Variants in STEEP1 observed in about 807,000 individuals in gnomAD.
STEEP1 encodes STING1 ER exit protein 1, also known as STING ER exit protein.
A neutral mutation model predicts 19.2 loss-of-function variants in STEEP1; 3 were observed. The ratio of observed to expected loss-of-function variants is 0.16; its 90% CI spans 0.07 to 0.40. STEEP1 has a LOEUF of 0.40. STEEP1 is among the 10% of genes least tolerant of loss of function. The pLI, the probability that STEEP1 is intolerant of heterozygous loss-of-function variation, is 0.99. For missense variants in STEEP1, 54 were observed against 177.1 expected, an observed-to-expected ratio of 0.30 and a Z score of 3.94; for synonymous variants, 46 against 63.7, an observed-to-expected ratio of 0.72 and a Z score of 1.32.
At chrX:119,563,335 G>A (rs2053333824) in intron 1 of STEEP1, among the ~76,000 whole-genome samples, 1 of 110,105 alleles carries the variant, frequency 9.1e-6, no homozygotes, top group Non-Finnish European at 1.9e-5. Flanking sequence ...GATCACTTGA[G>A]GTCAGGAGTT....
At chrX:119,561,393 G>GGT (rs1272149937) in intron 1 of STEEP1, among the ~76,000 whole-genome samples, 4 of 111,353 alleles carry the variant, frequency 3.6e-5, no homozygotes, top group African/African-American at 1.3e-4. Flanking sequence ...GGCCAGGTGC[G>GGT]GTGGCTCACG....
chrX:119,541,439 AT>A lies in STEEP1; in HGVS notation c.514-20del. 1 of 981,595 alleles carries A rather than the reference AT, an allele frequency of 1.0e-6. No homozygotes were observed. The highest frequency in any genetic ancestry group is 1.5e-6 in the Non-Finnish European group (1 of 686,175). 80.9% of individuals were successfully genotyped at this position (981,595 alleles called of 1,213,427 possible). A position where few individuals can be genotyped will look rare whatever the true frequency, so the allele number is the denominator to read the frequency against. On this transcript the variant is annotated intron_variant, in intron 5 of 6. Transcript: ENST00000644802. ...CTTCCCTCTGAAGGAAAAAAGGAGCATCCTTAAACCGGAAGTCTCACCAAGG... is the reference window on the plus strand; with the variant it reads ...CTTCCCTCTGAAGGAAAAAAGGAGCACCTTAAACCGGAAGTCTCACCAAGG...
intron 2 of STEEP1, among the ~76,000 whole-genome samples, chrX:119,557,216 GT>G (rs1288702116): frequency 9.4e-6 from 1 of 105,994 alleles, no homozygotes; most frequent in African/African-American, 3.4e-5. Flanking sequence ...TCAGCCTATA[GT>G]TTTTTTCTGG....
Position 119,544,360 on chromosome X carries a change from G to A in STEEP1, c.416C>T (p.Pro139Leu). The A allele has an allele frequency of 8.3e-7, 1 of 1,205,673 alleles. No individual in the cohort carries two copies. Among genetic ancestry groups the A allele is most frequent in the Non-Finnish European group, 1.1e-6 (1 of 890,783 alleles). Residue 139 changes from proline (P) to leucine (L), a missense_variant, in exon 4 of 7, where the codon CCT (proline) becomes CTT (leucine). Around this residue, in one of 2 missense-constraint regions of STEEP1, gnomAD observed 47 missense variants for 118.5 expected, o/e 0.40. Coordinates refer to ENST00000644802, the MANE Select transcript of STEEP1 (RefSeq NM_022101.4). ...TCCTTCAATGGTAATTACCTTCTTA[G>A]GAGGCTCTTGTTTCTGAGTATATAT... ...TNIYTQKQEPPKKVMMTKRTK... is the reference protein window; with the variant it reads ...TNIYTQKQEPLKKVMMTKRTK...
intron 2 of STEEP1, among the ~76,000 whole-genome samples, chrX:119,559,691 C>T (rs770461111): frequency 7.2e-5 from 8 of 111,653 alleles, no homozygotes; most frequent in Non-Finnish European, 9.4e-5. Flanking sequence ...GTATGCTCCA[C>T]AAGATTACAG....
At position 119,539,649 on chromosome X, in the gene STEEP1, C is replaced by T. The variant is rs2053149876; in HGVS notation, c.*78G>A. On this transcript the variant is annotated 3_prime_UTR_variant, in exon 7 of 7. Coordinates refer to ENST00000644802, the MANE Select transcript of STEEP1 (RefSeq NM_022101.4). Reference sequence around the variant, plus strand: ...TTCTGCTAGGGCATAAATAGGAATCCGTCTATGTAATCAAGAAATTACTTT... The same window carrying T: ...TTCTGCTAGGGCATAAATAGGAATCTGTCTATGTAATCAAGAAATTACTTT... 2.6e-6 allele frequency: 2 copies of T among 771,392 alleles called. No individual in the cohort carries two copies. The highest frequency in any genetic ancestry group is 2.3e-5 in the South Asian group (1 of 42,969). 63.6% of individuals were successfully genotyped at this position (771,392 alleles called of 1,213,427 possible). A position where few individuals can be genotyped will look rare whatever the true frequency, so the allele number is the denominator to read the frequency against.
chrX:119,540,451 A>G (rs758310347), intron 6 of STEEP1, among the ~76,000 whole-genome samples: 3 of 111,651 alleles, frequency 2.7e-5, no homozygotes, highest in South Asian at 7.4e-4. Context: ...CCAAAAACTC[A>G]CTACAGACAC....
At chrX:119,563,099 G>T (rs1042147673) in intron 1 of STEEP1, among the ~76,000 whole-genome samples, 1 of 112,237 alleles carries the variant, frequency 8.9e-6, no homozygotes, top group African/African-American at 3.2e-5. Context: ...GTCTTGGTAT[G>T]GATGGACTTT....
Position 119,541,318 on chromosome X carries a change from T to C in STEEP1, c.606+10A>G. On this transcript the variant is annotated intron_variant, in intron 6 of 6. Coordinates refer to ENST00000644802, the MANE Select transcript of STEEP1 (RefSeq NM_022101.4). ...AGGGCCCCAGCACCTTGCTACCCCTTGCTACTCACCAGCTCTTGCAGTCGC... is the reference window on the plus strand; with the variant it reads ...AGGGCCCCAGCACCTTGCTACCCCTCGCTACTCACCAGCTCTTGCAGTCGC... 1 of 1,101,058 alleles carries C rather than the reference T, an allele frequency of 9.1e-7. No homozygotes were observed. Among genetic ancestry groups the C allele is most frequent in the Non-Finnish European group, 1.3e-6 (1 of 795,775 alleles). The allele number at this position is 1,101,058 out of a possible 1,213,427, so 90.7% of individuals were successfully genotyped here. A position where few individuals can be genotyped will look rare whatever the true frequency, so the allele number is the denominator to read the frequency against.
intron 2 of STEEP1, among the ~76,000 whole-genome samples, chrX:119,555,413 G>A (rs1471782515): frequency 9.0e-6 from 1 of 110,620 alleles, no homozygotes; most frequent in Non-Finnish European, 1.9e-5. Flanking sequence ...GTCCTTAATG[G>A]ATTGGGCTAG....
chrX:119,550,850 A>G (rs939523718), intron 2 of STEEP1, among the ~76,000 whole-genome samples: 1 of 110,713 alleles, frequency 9.0e-6, no homozygotes, highest in Non-Finnish European at 1.9e-5. Context: ...TTTAGTAGAC[A>G]TGGGGTTTCG....
At position 119,539,556 on chromosome X, in the gene STEEP1, C is replaced by T. The variant is rs757235656; in HGVS notation, c.*171G>A. On this transcript the variant is annotated 3_prime_UTR_variant, in exon 7 of 7. Transcript: ENST00000644802. ...AAAAAAAAAAAAAAAAAAAAGAAAGCAAGTTAAATGGACTCAGTTAAAGAC... is the reference window on the plus strand; with the variant it reads ...AAAAAAAAAAAAAAAAAAAAGAAAGTAAGTTAAATGGACTCAGTTAAAGAC... 55 of 345,491 alleles carry T rather than the reference C, an allele frequency of 1.6e-4. No homozygotes were observed. Among genetic ancestry groups the T allele is most frequent in the Non-Finnish European group, 2.1e-4 (42 of 199,993 alleles). 28.5% of individuals were successfully genotyped at this position (345,491 alleles called of 1,213,427 possible).
At chrX:119,545,150 T>C (rs751101464) in intron 3 of STEEP1, among the ~76,000 whole-genome samples, 12 of 105,608 alleles carry the variant, frequency 1.1e-4, no homozygotes, top group African/African-American at 4.1e-4. Context: ...GGTCAGGAGT[T>C]CGAGACCAGC....
rs112189474 is a variant in STEEP1 at position 119,542,192 on chromosome X, G to A, written c.513+313C>T. Among the ~76,000 whole-genome samples, 256 of 106,730 alleles carry A rather than the reference G, an allele frequency of 2.4e-3. 1 individual carries two copies. Among genetic ancestry groups the A allele is most frequent in the African/African-American group, 8.0e-3 (236 of 29,391 alleles). 92.7% of individuals were successfully genotyped at this position (106,730 alleles called of 115,157 possible). A position where few individuals can be genotyped will look rare whatever the true frequency, so the allele number is the denominator to read the frequency against. ...AGCGATTCTCATGCCTCAGCCTCCC[G>A]AGTAGCTGGGATTACAGGCGCGCAC... On this transcript the variant is annotated intron_variant, in intron 5 of 6. Transcript: ENST00000644802.
chrX:119,548,897 T>G lies in STEEP1; in HGVS notation c.243-3393A>C, dbSNP rs182845725. Among the ~76,000 whole-genome samples, 142 of 112,140 alleles carry G rather than the reference T, an allele frequency of 1.3e-3. 1 individual carries two copies. Among genetic ancestry groups the G allele is most frequent in the African/African-American group, 4.5e-3 (139 of 30,935 alleles). ...CACAACAGAACATTATTCAGCCTTA[T>G]GAAAAGAAGGAAATCCTGCCATTTG... On this transcript the variant is annotated intron_variant, in intron 2 of 6. Coordinates refer to ENST00000644802, the MANE Select transcript of STEEP1 (RefSeq NM_022101.4).
At chrX:119,549,549 G>A (rs1241300009) in intron 2 of STEEP1, among the ~76,000 whole-genome samples, 3 of 111,781 alleles carry the variant, frequency 2.7e-5, no homozygotes, top group African/African-American at 3.3e-5. Flanking sequence ...GTTTACCCAC[G>A]TCTTAGTGCA....
chrX:119,556,385 C>A (rs932759778), intron 2 of STEEP1, among the ~76,000 whole-genome samples: 1 of 110,016 alleles, frequency 9.1e-6, no homozygotes, highest in Non-Finnish European at 1.9e-5. Flanking sequence ...AGATCGAGAC[C>A]GTCCCGGCTA....
intron 1 of STEEP1, among the ~76,000 whole-genome samples, chrX:119,562,137 C>T (rs1267951559): frequency 8.9e-6 from 1 of 112,508 alleles, no homozygotes; most frequent in African/African-American, 3.2e-5. Context: ...TGGCTCACGC[C>T]TGTAATCCCA....
intron 2 of STEEP1, among the ~76,000 whole-genome samples, chrX:119,559,253 C>A (rs1387572497): frequency 9.1e-6 from 1 of 110,383 alleles, no homozygotes. Flanking sequence ...TCATTGCCTA[C>A]AGATTAAGGC....
Sources: gnomAD v4.1 joint callset for allele counts (sites outside exome capture counted in the v4.1 genomes callset) on GRCh38, gnomAD v4.1.1 for gene constraint, gnomAD v4.1.1 regional missense constraint, MANE v1.5 for transcripts, NCBI Gene and HGNC (gene_info 2026-07-23, HGNC 2026-07-21) for gene names.